TGM5: variants seen among roughly 807,000 people sequenced by gnomAD.
TGM5 encodes protein-glutamine gamma-glutamyltransferase 5.
Under a neutral mutation model 77.2 loss-of-function variants are expected in TGM5, and 69 were observed. That is an observed-to-expected ratio of 0.89 (90% confidence interval 0.74 to 1.09). The LOEUF is 1.09. Among genes scored for constraint, TGM5 ranks in the 50% least tolerant of loss-of-function variants. TGM5 has a pLI of 0.00. For synonymous variants in TGM5, 346 were observed against 351.8 expected, an observed-to-expected ratio of 0.98 and a Z score of 0.18; for missense variants, 842 against 896.5, an observed-to-expected ratio of 0.94 and a Z score of 0.78.
chr15:43,245,337 C>T (rs568345183), intron 6 of TGM5, among the ~76,000 whole-genome samples: 1 of 152,078 alleles, frequency 6.6e-6, no homozygotes, highest in South Asian at 2.1e-4. Flanking sequence ...TTAATTTCTC[C>T]CTGAACGCAT....
Position 43,234,718 on chromosome 15 carries a change from C to G in TGM5, c.1875+51G>C, listed in dbSNP as rs780491286. ...GCCCTCTCACAGGGCTTCACCCCCT[C>G]CCCGCCAGATCCAAGGAGCCCCACA... On this transcript the variant is annotated intron_variant, in intron 11 of 12. Coordinates refer to ENST00000220420, the MANE Select transcript of TGM5 (RefSeq NM_201631.4). 1.9e-6 allele frequency: 3 copies of G among 1,612,748 alleles called. No homozygotes were observed. In the African/African-American group the frequency reaches 4.0e-5, roughly 22 times the overall value.
chr15:43,257,109 G>A (rs895032281), intron 3 of TGM5, among the ~76,000 whole-genome samples: 1 of 152,302 alleles, frequency 6.6e-6, no homozygotes, highest in African/African-American at 2.4e-5. Flanking sequence ...TTAAGGGTTG[G>A]CATTGACCTC....
At chr15:43,259,801 G>C (rs1023371390) in intron 3 of TGM5, among the ~76,000 whole-genome samples, 3 of 152,112 alleles carry the variant, frequency 2.0e-5, no homozygotes, top group Non-Finnish European at 1.5e-5. Flanking sequence ...TGTTATTCAC[G>C]ATCAAACTTA....
intron 3 of TGM5, among the ~76,000 whole-genome samples, chr15:43,257,256 A>T (rs947714515): frequency 1.3e-5 from 2 of 152,186 alleles, no homozygotes; most frequent in Non-Finnish European, 2.9e-5. Flanking sequence ...GTTATTGGGG[A>T]GTAGTTAGAT....
Position 43,260,124 on chromosome 15 carries a change from C to G in TGM5, c.364G>C (p.Asp122His), listed in dbSNP as rs974988804. Residue 122 changes from aspartate (D) to histidine (H), a missense_variant, in exon 3 of 13, where the codon GAC becomes CAC. Physicochemically the swap from Asp to His is moderately conservative, Grantham distance 81 (BLOSUM62 -1). Coordinates refer to ENST00000220420, the MANE Select transcript of TGM5 (RefSeq NM_201631.4). ...VGRYLLKIHI[D>H]SFQGSVTAYQ... ...GCCGTCACAGACCCCTGGAAGGAGT[C>G]GATGTGGATTTTCAAGAGGTACCGA... is the stretch of plus-strand genomic sequence containing the variant. 1 of 1,614,062 alleles carries G rather than the reference C, an allele frequency of 6.2e-7. No homozygotes were observed. Among genetic ancestry groups the G allele is most frequent in the South Asian group, 1.1e-5 (1 of 91,050 alleles).
chr15:43,261,083 T>TTTTTTTTTTTG (rs2042785114), intron 1 of TGM5, among the ~76,000 whole-genome samples: 2 of 68,306 alleles, frequency 2.9e-5, no homozygotes, highest in African/African-American at 1.2e-4. Flanking sequence ...TGTGTTTTTT[T>TTTTTTTTTTTG]TTTTTTTTTT....
intron 4 of TGM5, 137 bp downstream of exon 4, chr15:43,256,431 T>C: frequency 1.3e-6 from 1 of 780,324 alleles, no homozygotes; most frequent in Non-Finnish European, 2.3e-6. Context: ...TCGGGCAACC[T>C]GGGCTCACAA....
chr15:43,246,349 G>A (rs888151496), intron 6 of TGM5, among the ~76,000 whole-genome samples: 5 of 151,998 alleles, frequency 3.3e-5, no homozygotes, highest in South Asian at 2.1e-4. Flanking sequence ...CTGTAGCCTC[G>A]TCCCCCGCCA....
At chr15:43,236,799 T>A (rs1035036917) in intron 9 of TGM5, among the ~76,000 whole-genome samples, 14 of 151,926 alleles carry the variant, frequency 9.2e-5, no homozygotes, top group African/African-American at 3.1e-4. Flanking sequence ...AAACCCTGTT[T>A]CTACTAAAAA....
chr15:43,266,817 GT>G, intron 1 of TGM5, 22 bp downstream of exon 1: 1 of 1,614,056 alleles, frequency 6.2e-7, no homozygotes, highest in Non-Finnish European at 8.5e-7. Context: ...CTGAACTCCA[GT>G]GGCCACAGGG....
chr15:43,255,346 C>T (rs767762006), intron 4 of TGM5, among the ~76,000 whole-genome samples: 1 of 151,950 alleles, frequency 6.6e-6, no homozygotes, highest in South Asian at 2.1e-4. Context: ...AAACAAAAAG[C>T]AAGACAACAA....
At chr15:43,235,035 C>G in intron 10 of TGM5, 106 bp from the exon 11 acceptor site, 1 of 1,427,002 alleles carries the variant, frequency 7.0e-7, no homozygotes, top group Non-Finnish European at 9.6e-7. Context: ...CAACAAGTAC[C>G]AAATCCCAGG....
intron 1 of TGM5, among the ~76,000 whole-genome samples, chr15:43,266,363 G>C (rs1388461051): frequency 6.6e-6 from 1 of 152,202 alleles, no homozygotes; most frequent in African/African-American, 2.4e-5. Context: ...GGGAAGATTA[G>C]CTAAGATCAG....
At chr15:43,250,657 A>G (rs930250939) in intron 6 of TGM5, among the ~76,000 whole-genome samples, 3 of 152,254 alleles carry the variant, frequency 2.0e-5, no homozygotes, top group African/African-American at 7.2e-5. Context: ...TTGGTTGAAG[A>G]CAGAAGCTGG....
In TGM5 at chr15:43,235,804, G is replaced by A; in HGVS notation, c.1379C>T (p.Ala460Val). 1 of 1,614,098 alleles carries A rather than the reference G, an allele frequency of 6.2e-7. No individual in the cohort carries two copies. The highest frequency in any genetic ancestry group is 8.5e-7 in the Non-Finnish European group (1 of 1,180,026). ...SLQERQVFLK[A>V]LQKLKARSFH... ...GCTTCTAGCCTTCAGCTTCTGCAGA[G>A]CCTTCAGAAACACCTGCCTCTCCTG... The change falls in exon 10 of 13, where the codon GCT becomes GTT. Residue 460 changes from alanine to valine, a missense_variant. Transcript: ENST00000220420.
chr15:43,255,839 C>T (rs1275042350), intron 4 of TGM5, among the ~76,000 whole-genome samples: 1 of 152,150 alleles, frequency 6.6e-6, no homozygotes. Context: ...GCAGGAGGTG[C>T]AGAGCATTGC....
At chr15:43,253,713 A>G (rs2042724074) in intron 4 of TGM5, 79 bp from the exon 5 acceptor site, 10 of 1,567,746 alleles carry the variant, frequency 6.4e-6, no homozygotes, top group Middle Eastern at 1.7e-4. Flanking sequence ...CTTCCCCCCA[A>G]CCCTAGTGGA....
At chr15:43,235,184 C>G (rs1210953967) in intron 10 of TGM5, among the ~76,000 whole-genome samples, 1 of 149,766 alleles carries the variant, frequency 6.7e-6, no homozygotes, top group African/African-American at 2.5e-5. Flanking sequence ...GCTTTTTCTG[C>G]AAAACCAGCT....
chr15:43,235,903 G>A (rs1274160194), intron 9 of TGM5, 66 bp from the exon 10 acceptor site: 23 of 1,601,170 alleles, frequency 1.4e-5, no homozygotes, highest in Non-Finnish European at 1.9e-5. Context: ...GAGGCTGAGC[G>A]CCATCCCCCA....
Sources: allele counts gnomAD v4.1 joint callset (sites outside exome capture counted in the v4.1 genomes callset), GRCh38; gene constraint gnomAD v4.1.1; transcripts MANE v1.5; gene names NCBI Gene and HGNC (gene_info 2026-07-23, HGNC 2026-07-21).